Variants in MIB1 observed in about 807,000 individuals in gnomAD.
MIB1 encodes MIB E3 ubiquitin protein ligase 1, also known as E3 ubiquitin-protein ligase MIB1.
A neutral mutation model predicts 124.5 loss-of-function variants in MIB1; 278 were observed. That is an observed-to-expected ratio of 2.23 (90% CI 2.02 to 2.47). The LOEUF is 2.47. Among genes scored for constraint, MIB1 ranks in the 30% most tolerant of loss-of-function variants. The pLI is 0.00. For synonymous variants in MIB1, 446 were observed against 429.4 expected (o/e 1.04, Z -0.48); for missense variants, 957 against 1,254.4 (o/e 0.76, Z 3.58).
intron 10 of MIB1, among the ~76,000 whole-genome samples, chr18:21,805,003 AAATT>A (rs1203826952): frequency 1.3e-5 from 2 of 152,030 alleles, no homozygotes; most frequent in Admixed American, 6.6e-5. Flanking sequence ...AAATAACTTG[AAATT>A]AATTAATTAA....
rs2290606 is a variant in MIB1, at chr18:21,742,112, C to A, written c.229+300C>A. ...CAGACACAGGTCCCCCAACCCGACT[C>A]CTCCTCTTGGGAAGGGGTCTGGAGA... On this transcript the variant is annotated intron_variant, in intron 1 of 20. Coordinates refer to ENST00000261537, the MANE Select transcript of MIB1 (RefSeq NM_020774.4). Among the ~76,000 whole-genome samples the A allele has an allele frequency of 7.5e-3, 1,146 of 152,256 alleles. 33 individuals carry two copies. Among genetic ancestry groups the A allele is most frequent in the East Asian group, 0.064 (332 of 5,168 alleles).
chr18:21,759,391 C>T (rs2041072272), intron 1 of MIB1, among the ~76,000 whole-genome samples: 1 of 151,824 alleles, frequency 6.6e-6, no homozygotes, highest in African/African-American at 2.4e-5. Flanking sequence ...TACAGGTGCG[C>T]ACCACTGGGC....
intron 13 of MIB1, among the ~76,000 whole-genome samples, chr18:21,842,270 A>AGG (rs1805315495): frequency 6.6e-6 from 1 of 152,164 alleles, no homozygotes. Context: ...TTGTAACCAG[A>AGG]GGGCATGCAT....
At chr18:21,739,978 A>G (rs576377144), upstream of MIB1, among the ~76,000 whole-genome samples, 7 of 152,124 alleles carry the variant, frequency 4.6e-5, 1 homozygote, top group South Asian at 1.5e-3. Flanking sequence ...ATTTCAGTAC[A>G]TAGTAATTCC....
chr18:21,773,862 T>C (rs2041250761), intron 4 of MIB1, 134 bp downstream of exon 4: 2 of 550,478 alleles, frequency 3.6e-6, no homozygotes, highest in African/African-American at 2.0e-5. Context: ...TTCTCTAAAC[T>C]ATTTAATAGT....
In MIB1 at chr18:21,853,010, G is replaced by A. The variant is rs1307912774; in HGVS notation, c.2587-130G>A. 89 of 630,896 alleles carry A rather than the reference G, an allele frequency of 1.4e-4. No individual in the cohort carries two copies. The East Asian group carries it at 2.2e-3, about 16-fold the overall frequency. The allele number at this position is 630,896 out of a possible 1,614,324, so 39.1% of individuals were successfully genotyped here. A position where few individuals can be genotyped will look rare whatever the true frequency, so the allele number is the denominator to read the frequency against. On this transcript the variant is annotated intron_variant, in intron 17 of 20. Coordinates refer to ENST00000261537, the MANE Select transcript of MIB1 (RefSeq NM_020774.4). ...CAGGAAAGTAGAGGATGGGAGGAAAGTGTGTGTTAAATTTCTCTGTGCCTA... is the reference window on the plus strand; with the variant it reads ...CAGGAAAGTAGAGGATGGGAGGAAAATGTGTGTTAAATTTCTCTGTGCCTA...
At chr18:21,786,348 CGG>C in intron 6 of MIB1, among the ~76,000 whole-genome samples, 1 of 152,190 alleles carries the variant, frequency 6.6e-6, no homozygotes, top group Non-Finnish European at 1.5e-5. Flanking sequence ...CCGCCCGCCT[CGG>C]CCTCCCAAAG....
intron 1 of MIB1, among the ~76,000 whole-genome samples, chr18:21,753,679 C>T (rs1278362070): frequency 6.6e-6 from 1 of 151,064 alleles, no homozygotes; most frequent in Non-Finnish European, 1.5e-5. Context: ...CTTTTTCTTT[C>T]TTTCGTTTTT....
chr18:21,765,411 G>A (rs2041145243), intron 1 of MIB1, among the ~76,000 whole-genome samples: 1 of 152,104 alleles, frequency 6.6e-6, no homozygotes, highest in South Asian at 2.1e-4. Flanking sequence ...GAAAATAGTT[G>A]AAAATTCTTT....
intron 1 of MIB1, among the ~76,000 whole-genome samples, chr18:21,758,421 C>T (rs9955959): frequency 6.6e-6 from 1 of 152,194 alleles, no homozygotes; most frequent in East Asian, 1.9e-4. Flanking sequence ...CTTTTTGTTA[C>T]ATTTGATTTG....
At chr18:21,753,627 T>C (rs747273689) in intron 1 of MIB1, among the ~76,000 whole-genome samples, 2 of 152,134 alleles carry the variant, frequency 1.3e-5, no homozygotes, top group Non-Finnish European at 2.9e-5. Flanking sequence ...AAAAGAGACC[T>C]CAAAATGACA....
Position 21,730,857 on chromosome 18 carries a change from C to A in MIB1, n.167+25734C>A, listed in dbSNP as rs2040766103. 2.0e-5 allele frequency among the ~76,000 whole-genome samples: 3 copies of A among 152,302 alleles called. No individual in the cohort carries two copies. The South Asian group carries it at 6.2e-4, about 32-fold the overall frequency. ...TTCTCATTGCTATTAGGATAAATTT[C>A]AACAGTCTTGCAGGACCTCTACTTC... is the stretch of plus-strand genomic sequence containing the variant. On this transcript the variant is annotated intron_variant and non_coding_transcript_variant, in intron 1 of 20. Transcript: ENST00000578646.
Position 21,768,744 on chromosome 18 carries a change from A to G in MIB1, c.523A>G (p.Arg175Gly). Residue 175 changes from arginine (R) to glycine (G), a missense_variant, in exon 3 of 21, where the codon AGG (arginine) becomes GGG (glycine). Coordinates refer to ENST00000261537, the MANE Select transcript of MIB1 (RefSeq NM_020774.4). ...AGATCAAGATGGAGGAAATGGACGT[A>G]GGGGAAAGGTACAGTGTTTCTCTGA... ...WEDQDGGNGR[R>G]GKVTEIQDWS... The G allele has an allele frequency of 6.2e-7, 1 of 1,610,352 alleles. No homozygotes were observed. The highest frequency in any genetic ancestry group is 8.5e-7 in the Non-Finnish European group (1 of 1,178,002).
rs752538085 is a variant in MIB1, at chr18:21,858,676, C to T, written c.2880+30C>T. On this transcript the variant is annotated intron_variant, in intron 20 of 20. Transcript: ENST00000261537. ...TAATGATTTCATGTAAACAGTGATG[C>T]TGTGAATGGCACTGAATATTTTCCC... 3.7e-6 allele frequency: 4 copies of T among 1,076,784 alleles called. No homozygotes were observed. In the Admixed American group the frequency reaches 7.0e-5, roughly 19 times the overall value. The allele number at this position is 1,076,784 out of a possible 1,614,324, so 66.7% of individuals were successfully genotyped here.
intron 3 of MIB1, among the ~76,000 whole-genome samples, chr18:21,770,657 T>C (rs1317890329): frequency 1.3e-5 from 2 of 152,162 alleles, no homozygotes; most frequent in Admixed American, 6.5e-5. Context: ...CTATACGTGT[T>C]AGTCTTTTAA....
upstream of MIB1, among the ~76,000 whole-genome samples, chr18:21,739,087 A>C (rs1004410199): frequency 4.6e-5 from 7 of 152,038 alleles, no homozygotes; most frequent in Non-Finnish European, 8.8e-5. Context: ...AGATGCAATA[A>C]AAAATTATAA....
chr18:21,848,027 C>CT (rs2042149713), intron 16 of MIB1, among the ~76,000 whole-genome samples: 2 of 152,088 alleles, frequency 1.3e-5, no homozygotes, highest in South Asian at 4.1e-4. Flanking sequence ...CCTTGCCTCT[C>CT]TCATAATTTA....
At chr18:21,864,433 T>C in intron 20 of MIB1, 93 bp from the exon 21 acceptor site, 1 of 1,031,396 alleles carries the variant, frequency 9.7e-7, no homozygotes, top group Non-Finnish European at 1.4e-6. Flanking sequence ...ATTATTTGAC[T>C]AAAACAACTA....
At position 21,843,226 on chromosome 18, in the gene MIB1, T is replaced by C. The variant is rs2042107603; in HGVS notation, c.2049+9T>C. ...ATACCCAGATTGTTAGGGTAAAGTA[T>C]TGACATACATTTTAGCTTATAATTA... On this transcript the variant is annotated intron_variant, in intron 14 of 20. Coordinates refer to ENST00000261537, the MANE Select transcript of MIB1 (RefSeq NM_020774.4). The C allele has an allele frequency of 5.2e-6, 8 of 1,545,458 alleles. No individual in the cohort carries two copies. The highest frequency in any genetic ancestry group is 5.0e-5 in the South Asian group (4 of 79,936).
Sources: allele counts gnomAD v4.1 joint callset (sites outside exome capture counted in the v4.1 genomes callset), GRCh38; gene constraint gnomAD v4.1.1; transcripts MANE v1.5; gene names NCBI Gene and HGNC (gene_info 2026-07-23, HGNC 2026-07-21).